The following SNX9 variants were observed in gnomAD, a reference collection of about 807,000 sequenced individuals.
The protein encoded by SNX9 is sorting nexin-9.
A neutral mutation model predicts 89.4 loss-of-function variants in SNX9; 44 were observed. The ratio of observed to expected loss-of-function variants is 0.49; its 90% CI spans 0.39 to 0.63. The LOEUF (loss-of-function observed/expected upper bound fraction) is 0.63, where lower values mean the gene tolerates loss of function less well. SNX9 is among the 30% of genes least tolerant of loss of function. SNX9 has a pLI of 0.00. For synonymous variants in SNX9, 236 were observed against 247.8 expected (o/e 0.95, Z 0.45); for missense variants, 578 against 736.1 (o/e 0.79, Z 2.49).
chr6:157,928,205 A>T (rs542306866), intron 11 of SNX9, among the ~76,000 whole-genome samples: 272 of 152,296 alleles, frequency 1.8e-3, no homozygotes, highest in Non-Finnish European at 1.3e-3. Flanking sequence ...TTGTGTATCC[A>T]GGTTATTGTC....
chr6:157,847,999 T>C (rs1376609190), intron 1 of SNX9, among the ~76,000 whole-genome samples: 1 of 152,136 alleles, frequency 6.6e-6, no homozygotes, highest in East Asian at 1.9e-4. Flanking sequence ...TGTTCCTCAC[T>C]GGCAAGACCC....
At chr6:157,901,287 T>C (rs1024695814) in intron 5 of SNX9, among the ~76,000 whole-genome samples, 4 of 152,252 alleles carry the variant, frequency 2.6e-5, no homozygotes, top group Admixed American at 2.6e-4. Context: ...CACCAGCCCA[T>C]AGGCTACCTT....
chr6:157,826,846 T>G (rs868383009), intron 1 of SNX9, among the ~76,000 whole-genome samples: 1,475 of 73,086 alleles, frequency 0.02, 91 homozygotes, highest in East Asian at 0.032. Context: ...ATATATTATA[T>G]TTTATATATA....
intron 4 of SNX9, among the ~76,000 whole-genome samples, chr6:157,878,921 C>T (rs910534084): frequency 1.4e-5 from 2 of 139,576 alleles, no homozygotes; most frequent in African/African-American, 5.8e-5. Flanking sequence ...ACAGGCTGTC[C>T]TTTGGTGGGG....
chr6:157,878,005 G>T (rs951810489), intron 4 of SNX9, among the ~76,000 whole-genome samples: 7 of 152,136 alleles, frequency 4.6e-5, no homozygotes, highest in Non-Finnish European at 1.0e-4. Context: ...TTCTTAATCT[G>T]TGCTGCATTT....
At chr6:157,872,909 G>C in intron 2 of SNX9, 193 bp from the exon 3 acceptor site, 2 of 434,728 alleles carry the variant, frequency 4.6e-6, no homozygotes, top group Non-Finnish European at 8.1e-6. Context: ...GATTTTTCTT[G>C]TTTTTAGGTT....
At chr6:157,933,897 T>C (rs1041292170) in intron 13 of SNX9, among the ~76,000 whole-genome samples, 9 of 152,266 alleles carry the variant, frequency 5.9e-5, no homozygotes, top group Non-Finnish European at 1.3e-4. Flanking sequence ...AATAGCACTT[T>C]TTCAAGTATT....
intron 4 of SNX9, among the ~76,000 whole-genome samples, chr6:157,894,100 T>G (rs1157235790): frequency 7.0e-6 from 1 of 142,960 alleles, no homozygotes; most frequent in Non-Finnish European, 1.5e-5. Flanking sequence ...TTTTCGCTTT[T>G]CTTTTCTTTT....
intron 1 of SNX9, among the ~76,000 whole-genome samples, chr6:157,840,519 TAA>T (rs1781685331): frequency 6.6e-6 from 1 of 152,108 alleles, no homozygotes; most frequent in African/African-American, 2.4e-5. Context: ...CTTTCTTTTT[TAA>T]AGAGTTGAGC....
chr6:157,904,708 C>CA (rs1043464973), intron 6 of SNX9, among the ~76,000 whole-genome samples: 6 of 151,674 alleles, frequency 4.0e-5, no homozygotes, highest in Non-Finnish European at 8.8e-5. Flanking sequence ...GACTCTGTCT[C>CA]AAAAAAATAA....
intron 10 of SNX9, 81 bp from the exon 11 acceptor site, chr6:157,927,030 A>G: frequency 9.7e-7 from 1 of 1,029,828 alleles, no homozygotes; most frequent in Non-Finnish European, 1.5e-6. Flanking sequence ...AAGGTGATAA[A>G]TGAGCTGGTC....
At chr6:157,937,953 T>TTAATA (rs753666889) in intron 15 of SNX9, among the ~76,000 whole-genome samples, 14 of 152,258 alleles carry the variant, frequency 9.2e-5, no homozygotes, top group Non-Finnish European at 1.8e-4. Flanking sequence ...TTCAGATAAC[T>TTAATA]TAATATAAAA....
rs371790151 is a variant in SNX9, at chr6:157,862,278, G to A, written c.13-5269G>A. 2.4e-4 allele frequency among the ~76,000 whole-genome samples: 36 copies of A among 152,266 alleles called. No homozygotes were observed. In the East Asian group the frequency reaches 5.4e-3, roughly 23 times the overall value. ...TAATGCTCAGGGTCTGTGAAAGTAA[G>A]TTCTGTTTCTTCTGATGATCTTAAT... is the stretch of plus-strand genomic sequence containing the variant. On this transcript the variant is annotated intron_variant, in intron 1 of 17. Coordinates refer to ENST00000392185, the MANE Select transcript of SNX9 (RefSeq NM_016224.5).
At position 157,921,518 on chromosome 6, in the gene SNX9, G is replaced by C. The variant is rs1244434194; in HGVS notation, c.950-13G>C. ...GACAAAGTTGTATGTCATTCTTGGT[G>C]TGTCGCTTGCAGGCCGCTTTGAAGA... On this transcript the variant is annotated splice_polypyrimidine_tract_variant and intron_variant, in intron 9 of 17. Transcript: ENST00000392185. The C allele has an allele frequency of 1.9e-6, 3 of 1,611,034 alleles. No homozygotes were observed. The Admixed American group carries it at 5.0e-5, about 27-fold the overall frequency.
intron 5 of SNX9, among the ~76,000 whole-genome samples, chr6:157,898,255 TAACTC>T (rs1479282535): frequency 6.6e-6 from 1 of 152,210 alleles, no homozygotes; most frequent in African/African-American, 2.4e-5. Context: ...AGATGGTCAT[TAACTC>T]TAACTTTAGT....
intron 9 of SNX9, among the ~76,000 whole-genome samples, chr6:157,911,513 G>A (rs1455283186): frequency 6.6e-6 from 1 of 152,216 alleles, no homozygotes; most frequent in Non-Finnish European, 1.5e-5. Context: ...TTTGTCCCAC[G>A]TGTTCCTGGA....
chr6:157,903,469 C>A (rs1429165182), intron 6 of SNX9, among the ~76,000 whole-genome samples: 1 of 152,158 alleles, frequency 6.6e-6, no homozygotes, highest in African/African-American at 2.4e-5. Flanking sequence ...GTGAATAATT[C>A]TCTGTCTTGT....
intron 1 of SNX9, among the ~76,000 whole-genome samples, chr6:157,855,514 C>A (rs1781992388): frequency 6.6e-6 from 1 of 152,152 alleles, no homozygotes; most frequent in African/African-American, 2.4e-5. Flanking sequence ...AAACCTTATG[C>A]CCTTACCAGC....
chr6:157,839,600 T>C (rs1451540508), intron 1 of SNX9, among the ~76,000 whole-genome samples: 1 of 152,250 alleles, frequency 6.6e-6, no homozygotes, highest in Non-Finnish European at 1.5e-5. Context: ...TAATTTTGCT[T>C]TTCTGTAATA....
Sources: gnomAD v4.1 joint callset for allele counts (sites outside exome capture counted in the v4.1 genomes callset) on GRCh38, gnomAD v4.1.1 for gene constraint, MANE v1.5 for transcripts, NCBI Gene and HGNC (gene_info 2026-07-23, HGNC 2026-07-21) for gene names.